NRG3: variants seen among roughly 807,000 people sequenced by gnomAD.
NRG3 encodes the protein pro-neuregulin-3, membrane-bound isoform.
In NRG3, 31 loss-of-function variants were observed where a neutral mutation model predicts 66.9. The observed-to-expected ratio is 0.46, with a 90% CI of 0.35 to 0.63. The LOEUF (loss-of-function observed/expected upper bound fraction) is 0.63, where lower values mean the gene tolerates loss of function less well. Among genes scored for constraint, NRG3 ranks in the 20% least tolerant of loss-of-function variants. The pLI is 0.00. For missense variants in NRG3, 910 were observed against 878.9 expected (o/e 1.04, Z -0.45); for synonymous variants, 393 against 359.4 (o/e 1.09, Z -1.06).
chr10:82,746,405 A>T (rs1369582676), intron 3 of NRG3, among the ~76,000 whole-genome samples: 1 of 152,146 alleles, frequency 6.6e-6, no homozygotes, highest in Non-Finnish European at 1.5e-5. Flanking sequence ...CCTGTTCAGC[A>T]GGTCTGAAGA....
intron 1 of NRG3, among the ~76,000 whole-genome samples, chr10:81,883,899 G>T (rs1842395239): frequency 6.6e-6 from 1 of 151,360 alleles, no homozygotes; most frequent in South Asian, 2.2e-4. Flanking sequence ...AGGGGCTTAA[G>T]AATTTAAGTA....
At position 82,170,672 on chromosome 10, in the gene NRG3, A is replaced by G. The variant is rs1177451609; in HGVS notation, c.824-188067A>G. On this transcript the variant is annotated intron_variant, in intron 1 of 8. Transcript: ENST00000372141. The stretch of plus-strand genomic sequence containing the variant: ...ACTTGTGGTATATATATATATATAT[A>G]TATATATATATATATATATATATAT... 4.9e-4 allele frequency among the ~76,000 whole-genome samples: 54 copies of G among 109,762 alleles called. 1 individual carries two copies. Among genetic ancestry groups the G allele is most frequent in the Non-Finnish European group, 7.5e-4 (42 of 55,888 alleles). The allele number at this position is 109,762 out of a possible 152,430, so 72.0% of individuals were successfully genotyped here.
chr10:81,909,350 G>T (rs1033096019), intron 1 of NRG3, among the ~76,000 whole-genome samples: 8 of 152,060 alleles, frequency 5.3e-5, no homozygotes, highest in African/African-American at 1.9e-4. Flanking sequence ...ACATTCACAG[G>T]TTCTGGGTGG....
intron 2 of NRG3, among the ~76,000 whole-genome samples, chr10:82,677,323 G>A (rs913923839): frequency 5.3e-5 from 8 of 152,046 alleles, no homozygotes; most frequent in South Asian, 2.1e-4. Flanking sequence ...TTATAGGCGC[G>A]AGCCACTACA....
At chr10:82,735,018 G>GA (rs1226077181) in intron 2 of NRG3, among the ~76,000 whole-genome samples, 50 of 103,766 alleles carry the variant, frequency 4.8e-4, no homozygotes, top group Middle Eastern at 9.0e-3. Context: ...AAAAAAAAAA[G>GA]AAAAAAAAAA....
chr10:81,919,854 G>A (rs1198503344), intron 1 of NRG3, among the ~76,000 whole-genome samples: 1 of 152,028 alleles, frequency 6.6e-6, no homozygotes, highest in Non-Finnish European at 1.5e-5. Context: ...GGCAATGAGG[G>A]GTGAGTGCAG....
intron 1 of NRG3, among the ~76,000 whole-genome samples, chr10:82,070,191 T>G (rs1342339717): frequency 6.6e-6 from 1 of 152,156 alleles, no homozygotes; most frequent in East Asian, 1.9e-4. Flanking sequence ...CCCAGAGTGA[T>G]CTCCCTGTCT....
chr10:82,254,238 G>T (rs1435197768), intron 1 of NRG3, among the ~76,000 whole-genome samples: 2 of 152,130 alleles, frequency 1.3e-5, no homozygotes, highest in East Asian at 3.8e-4. Flanking sequence ...TATAAGCCAG[G>T]ATCTAGTACA....
intron 2 of NRG3, among the ~76,000 whole-genome samples, chr10:82,384,619 T>G (rs2085857661): frequency 6.6e-6 from 1 of 152,236 alleles, no homozygotes; most frequent in African/African-American, 2.4e-5. Context: ...TCATTCCTTT[T>G]TATGGCTGTA....
intron 2 of NRG3, among the ~76,000 whole-genome samples, chr10:82,482,516 T>C (rs1403108094): frequency 6.6e-5 from 10 of 152,094 alleles, no homozygotes. Context: ...TACGGGGACT[T>C]GGGAGAGGTG....
intron 2 of NRG3, among the ~76,000 whole-genome samples, chr10:82,418,087 C>A (rs1489567767): frequency 6.6e-6 from 1 of 152,112 alleles, no homozygotes; most frequent in Non-Finnish European, 1.5e-5. Flanking sequence ...CATTTTAGGG[C>A]CAAATGTGCC....
At chr10:81,882,828 A>C (rs1842300805) in intron 1 of NRG3, among the ~76,000 whole-genome samples, 1 of 152,134 alleles carries the variant, frequency 6.6e-6, no homozygotes, top group Non-Finnish European at 1.5e-5. Context: ...CCTGGCACAC[A>C]CAATAAAATA....
chr10:82,169,641 T>G (rs1260781962), intron 1 of NRG3, among the ~76,000 whole-genome samples: 1 of 151,824 alleles, frequency 6.6e-6, no homozygotes, highest in Non-Finnish European at 1.5e-5. Context: ...AAAATATTTC[T>G]TTATTTCACC....
At chr10:82,587,325 CATG>C (rs143023035) in intron 2 of NRG3, among the ~76,000 whole-genome samples, 15,546 of 152,058 alleles carry the variant, frequency 0.1, 962 homozygotes, top group South Asian at 0.22. Context: ...TTCATATAAA[CATG>C]ATGTGTTAGT....
At chr10:82,405,124 C>T (rs1564884519) in intron 2 of NRG3, among the ~76,000 whole-genome samples, 1 of 152,072 alleles carries the variant, frequency 6.6e-6, no homozygotes, top group Non-Finnish European at 1.5e-5. Flanking sequence ...AATGAGGGTA[C>T]TAAACAAAGT....
intron 1 of NRG3, among the ~76,000 whole-genome samples, chr10:82,223,678 C>CACACACACACAT (rs1403864303): frequency 1.6e-4 from 22 of 135,478 alleles, no homozygotes; most frequent in African/African-American, 5.9e-4. Context: ...CACACACACA[C>CACACACACACAT]ACACATACAC....
At chr10:82,463,057 G>A (rs570855919) in intron 2 of NRG3, among the ~76,000 whole-genome samples, 12 of 152,148 alleles carry the variant, frequency 7.9e-5, no homozygotes, top group Non-Finnish European at 1.6e-4. Context: ...CTCCCCAGGC[G>A]TTCCTGGCCT....
rs1301477224 is a variant in NRG3 at position 82,978,804 on chromosome 10, A to C, written c.1413-146A>C. 5.5e-6 allele frequency: 4 copies of C among 724,708 alleles called. No individual in the cohort carries two copies. In the East Asian group the frequency reaches 1.1e-4, roughly 20 times the overall value. The allele number at this position is 724,708 out of a possible 1,614,324, so 44.9% of individuals were successfully genotyped here. A position where few individuals can be genotyped will look rare whatever the true frequency, so the allele number is the denominator to read the frequency against. On this transcript the variant is annotated intron_variant, in intron 7 of 8. Coordinates refer to ENST00000372141, the MANE Select transcript of NRG3 (RefSeq NM_001010848.4). Reference sequence around the variant, plus strand: ...TTCCTGATCTCATTCTACCACATATACTTCATTCAGGGATGGCCCTGGCCT... The same window carrying C: ...TTCCTGATCTCATTCTACCACATATCCTTCATTCAGGGATGGCCCTGGCCT...
rs79530733 is a variant in NRG3, at chr10:82,917,750, G to A, written c.1055-33719G>A. 1.1e-3 allele frequency among the ~76,000 whole-genome samples: 166 copies of A among 151,978 alleles called. 1 individual carries two copies. The East Asian group carries it at 0.029, about 27-fold the overall frequency. ...AGTCTCTTGCTGCCTAGAAGTCTTG[G>A]AGCTAGGAGCTTGGCTGCAAAACTC... is the stretch of plus-strand genomic sequence containing the variant. On this transcript the variant is annotated intron_variant, in intron 4 of 8. Transcript: ENST00000372141.
Sources: gnomAD v4.1 joint callset for allele counts (sites outside exome capture counted in the v4.1 genomes callset) on GRCh38, gnomAD v4.1.1 for gene constraint, MANE v1.5 for transcripts, NCBI Gene and HGNC (gene_info 2026-07-23, HGNC 2026-07-21) for gene names.